The following ARHGAP11A variants were observed in gnomAD, a reference collection of about 807,000 sequenced individuals.
ARHGAP11A encodes the protein rho GTPase-activating protein 11A.
A neutral mutation model predicts 60.5 loss-of-function variants in ARHGAP11A; 36 were observed. That is an observed-to-expected ratio of 0.59 (90% CI 0.46 to 0.79). The LOEUF is 0.79. Among genes scored for constraint, ARHGAP11A ranks in the 30% least tolerant of loss-of-function variants. ARHGAP11A has a pLI of 0.00. For synonymous variants in ARHGAP11A, 362 were observed against 415.5 expected (o/e 0.87, Z 1.57); for missense variants, 1,071 against 1,199.2 (o/e 0.89, Z 1.58).
chr15:32,621,486 G>A (rs949850714), intron 2 of ARHGAP11A, among the ~76,000 whole-genome samples: 1 of 152,222 alleles, frequency 6.6e-6, no homozygotes, highest in Non-Finnish European at 1.5e-5. Flanking sequence ...CACTGTGCTG[G>A]CCTATTCTAA....
At chr15:32,635,127 G>A (rs1337560380) in intron 10 of ARHGAP11A, among the ~76,000 whole-genome samples, 3 of 152,126 alleles carry the variant, frequency 2.0e-5, no homozygotes. Flanking sequence ...CTGTTCTCAG[G>A]CTGCATTTCT....
At chr15:32,628,423 T>A (rs1225293439) in intron 6 of ARHGAP11A, among the ~76,000 whole-genome samples, 1 of 152,214 alleles carries the variant, frequency 6.6e-6, no homozygotes, top group African/African-American at 2.4e-5. Flanking sequence ...CAGACCTTCA[T>A]CTTTTGCCTT....
rs1023430897 is a variant in ARHGAP11A, at chr15:32,633,914, T to C, written c.1236-19T>C. The C allele has an allele frequency of 7.3e-6, 11 of 1,515,484 alleles. No individual in the cohort carries two copies. Among genetic ancestry groups the C allele is most frequent in the Admixed American group, 6.0e-5 (3 of 50,046 alleles). 93.9% of individuals were successfully genotyped at this position (1,515,484 alleles called of 1,614,324 possible). A position where few individuals can be genotyped will look rare whatever the true frequency, so the allele number is the denominator to read the frequency against. On this transcript the variant is annotated intron_variant, in intron 9 of 11. Transcript: ENST00000361627. ...GTGTTTATACTATAAACTGACATTT[T>C]TAATTCCACTTCTTCTAGAGTGGAA...
intron 8 of ARHGAP11A, among the ~76,000 whole-genome samples, chr15:32,629,976 T>TGTGTGTGTG (rs2053553281): frequency 1.3e-5 from 1 of 77,192 alleles, no homozygotes; most frequent in Non-Finnish European, 2.5e-5. Context: ...GTGTGTGTGT[T>TGTGTGTGTG]ATGACAACAT....
chr15:32,622,206 C>T (rs372516512), intron 2 of ARHGAP11A, among the ~76,000 whole-genome samples: 3 of 152,296 alleles, frequency 2.0e-5, no homozygotes, highest in East Asian at 1.9e-4. Flanking sequence ...TTGCTTGAGC[C>T]CAGGAGTTCA....
intron 4 of ARHGAP11A, 117 bp downstream of exon 4, chr15:32,624,543 T>C: frequency 4.8e-6 from 7 of 1,444,300 alleles, no homozygotes; most frequent in Non-Finnish European, 4.6e-6. Flanking sequence ...AAATTCCATA[T>C]TTCATTACTA....
intron 8 of ARHGAP11A, among the ~76,000 whole-genome samples, chr15:32,630,258 G>C (rs1239064051): frequency 5.7e-5 from 5 of 87,064 alleles, no homozygotes; most frequent in Non-Finnish European, 1.1e-4. Flanking sequence ...AAAAGCTTTA[G>C]AACTTTGTTG....
intron 1 of ARHGAP11A, among the ~76,000 whole-genome samples, chr15:32,617,336 C>T (rs2053177723): frequency 6.6e-6 from 1 of 150,760 alleles, no homozygotes. Context: ...AATACATGTA[C>T]TTACATTTAA....
rs2053731112 is a variant in ARHGAP11A at position 32,636,957 on chromosome 15, C to T, written c.2184C>T (p.Ser728=). 1 of 1,608,422 alleles carries T rather than the reference C, an allele frequency of 6.2e-7. No homozygotes were observed. Among genetic ancestry groups the T allele is most frequent in the Non-Finnish European group, 8.5e-7 (1 of 1,178,586 alleles). ...SSDEEIKKQQ[S]PKDKLNNKLK... is the part of the protein sequence containing the mutation. ...ATGAAGAAATAAAGAAACAGCAGTC[C>T]CCAAAGGATAAACTAAATAATAAAT... Residue 728 remains serine (S), a synonymous_variant, in exon 12 of 12, where the codon TCC becomes TCT. Coordinates refer to ENST00000361627, the MANE Select transcript of ARHGAP11A (RefSeq NM_014783.6).
intron 2 of ARHGAP11A, among the ~76,000 whole-genome samples, chr15:32,620,690 A>G (rs2053274101): frequency 6.6e-6 from 1 of 152,056 alleles, no homozygotes; most frequent in Non-Finnish European, 1.5e-5. Flanking sequence ...TTTCAGTTCT[A>G]TGTGAATTCT....
In ARHGAP11A at chr15:32,636,287, C is replaced by A; in HGVS notation, c.1514C>A (p.Thr505Asn). 6.2e-7 allele frequency: 1 copy of A among 1,609,592 alleles called. No individual in the cohort carries two copies. Among genetic ancestry groups the A allele is most frequent in the South Asian group, 1.1e-5 (1 of 90,004 alleles). ...GAAAAGATCAGTAAGTCTGAGGAAA[C>A]CTTACTAACTCCAGAGCGACTAGTT... The part of the protein sequence containing the change: ...GSEKISKSEE[T>N]LLTPERLVGT... The change falls in exon 12 of 12, where the codon ACC (threonine) becomes AAC (asparagine). Residue 505 changes from threonine to asparagine, a missense_variant. Physicochemically the swap from Thr to Asn is moderately conservative, Grantham distance 65. Transcript: ENST00000361627.
intron 8 of ARHGAP11A, among the ~76,000 whole-genome samples, chr15:32,631,084 A>G (rs2053572758): frequency 1.3e-5 from 2 of 152,190 alleles, no homozygotes; most frequent in Non-Finnish European, 2.9e-5. Flanking sequence ...GAATTTTTTT[A>G]TAAAAAAATT....
chr15:32,634,185 T>A, intron 10 of ARHGAP11A, 144 bp downstream of exon 10: 1 of 623,180 alleles, frequency 1.6e-6, no homozygotes, highest in Non-Finnish European at 2.7e-6. Context: ...TGAGTTGATA[T>A]CAAATTTCCT....
intron 6 of ARHGAP11A, among the ~76,000 whole-genome samples, chr15:32,627,593 G>A (rs1261911525): frequency 6.6e-6 from 1 of 151,972 alleles, no homozygotes; most frequent in East Asian, 2.0e-4. Flanking sequence ...GCTGGGCGTG[G>A]TGGCGGGCGC....
In ARHGAP11A at chr15:32,636,945, G is replaced by A; in HGVS notation, c.2172G>A (p.Lys724=). The A allele has an allele frequency of 1.2e-6, 2 of 1,610,044 alleles. No individual in the cohort carries two copies. Among genetic ancestry groups the A allele is most frequent in the Non-Finnish European group, 1.7e-6 (2 of 1,178,984 alleles). The change falls in exon 12 of 12, where the codon AAG becomes AAA. Residue 724 remains lysine (K), a synonymous_variant. Coordinates refer to ENST00000361627, the MANE Select transcript of ARHGAP11A (RefSeq NM_014783.6). ...AATTCTCCAGTGATGAAGAAATAAA[G>A]AAACAGCAGTCCCCAAAGGATAAAC... ...KQEFSSDEEI[K]KQQSPKDKLN...
intron 2 of ARHGAP11A, among the ~76,000 whole-genome samples, chr15:32,620,916 G>C (rs1266551396): frequency 6.6e-6 from 1 of 152,140 alleles, no homozygotes; most frequent in East Asian, 1.9e-4. Context: ...AAATTTTAAA[G>C]AAAAATCAGC....
At chr15:32,622,400 G>A (rs1319394469) in intron 2 of ARHGAP11A, among the ~76,000 whole-genome samples, 4 of 152,058 alleles carry the variant, frequency 2.6e-5, no homozygotes, top group South Asian at 2.1e-4. Context: ...GTGACAGAGC[G>A]AGACCCTGTC....
intron 2 of ARHGAP11A, among the ~76,000 whole-genome samples, chr15:32,621,554 C>T (rs62001762): frequency 6.6e-6 from 1 of 152,278 alleles, no homozygotes; most frequent in African/African-American, 2.4e-5. Flanking sequence ...AGCCGGGCGC[C>T]GGGGCTCACG....
In ARHGAP11A at chr15:32,625,621, C is replaced by G. The variant is rs146745395; in HGVS notation, c.850C>G (p.Gln284Glu). Residue 284 changes from glutamine to glutamate, a missense_variant, in exon 6 of 12, where the codon CAA becomes GAA. This residue lies in a region of ARHGAP11A where 196 missense variants were observed against 272.1 expected (regional missense o/e 0.72). Coordinates refer to ENST00000361627, the MANE Select transcript of ARHGAP11A (RefSeq NM_014783.6). ...TPGEYKRKRR[Q>E]SVGDFVSGAL... ...TGGTGAATATAAGAGAAAGAGAAGA[C>G]AAAGTGTAGGAGGTAAGTGGCGGTC... 2.5e-6 allele frequency: 4 copies of G among 1,613,750 alleles called. No homozygotes were observed. Among genetic ancestry groups the G allele is most frequent in the Non-Finnish European group, 3.4e-6 (4 of 1,179,832 alleles).
Sources: allele counts gnomAD v4.1 joint callset (sites outside exome capture counted in the v4.1 genomes callset), GRCh38; gene constraint gnomAD v4.1.1; regional missense constraint gnomAD v4.1.1; transcripts MANE v1.5; gene names NCBI Gene and HGNC (gene_info 2026-07-23, HGNC 2026-07-21).